MALRD1: variants seen among roughly 807,000 people sequenced by gnomAD.
The protein encoded by MALRD1 is MAM and LDL receptor class A domain containing 1.
MALRD1 carries 247 observed loss-of-function variants against 242.1 expected under a neutral mutation model. The observed-to-expected ratio is 1.02, with a 90% confidence interval of 0.92 to 1.13. MALRD1 has a LOEUF of 1.13. Among genes scored for constraint, MALRD1 ranks in the 50% most tolerant of loss-of-function variants. MALRD1 has a pLI of 0.00. For synonymous variants in MALRD1, 995 were observed against 866.6 expected, an observed-to-expected ratio of 1.15 and a Z score of -2.60; for missense variants, 2,989 against 2,533.1, an observed-to-expected ratio of 1.18 and a Z score of -3.86.
intron 2 of MALRD1, among the ~76,000 whole-genome samples, chr10:19,085,751 G>T (rs535506774): frequency 6.6e-6 from 1 of 151,844 alleles, no homozygotes; most frequent in East Asian, 1.9e-4. Context: ...ATAACTTAAT[G>T]TGTCAAATCT....
chr10:19,719,244 A>ACATACATATATATATATG lies in MALRD1; in HGVS notation c.6315-11462_6315-11461insCATACATATATATATATG, dbSNP rs1834621703. ...CATACATATATATATATATATATAT[A>ACATACATATATATATATG]TATATATATATATATGCTATCAAAT... On this transcript the variant is annotated intron_variant, in intron 38 of 39. Transcript: ENST00000454679. 2.0e-4 allele frequency among the ~76,000 whole-genome samples: 19 copies of ACATACATATATATATATG among 96,930 alleles called. 1 individual carries two copies. Among genetic ancestry groups the ACATACATATATATATATG allele is most frequent in the East Asian group, 8.4e-4 (3 of 3,566 alleles). 63.6% of individuals were successfully genotyped at this position (96,930 alleles called of 152,430 possible).
rs551362786 is a variant in MALRD1, at chr10:19,224,178, T to C, written c.2991+14498T>C. On this transcript the variant is annotated intron_variant, in intron 18 of 39. Coordinates refer to ENST00000454679, the MANE Select transcript of MALRD1 (RefSeq NM_001142308.3). ...CACTCCCACCAACAGTGTAAAAGCA[T>C]TCCTATTTCTCCACATCCTCTCTAG... Among the ~76,000 whole-genome samples, 66 of 152,294 alleles carry C rather than the reference T, an allele frequency of 4.3e-4. 4 individuals carry two copies. In the South Asian group the frequency reaches 6.4e-3, roughly 15 times the overall value.
At chr10:19,637,841 C>G (rs1039700566) in intron 36 of MALRD1, among the ~76,000 whole-genome samples, 17 of 152,006 alleles carry the variant, frequency 1.1e-4, no homozygotes, top group African/African-American at 3.9e-4. Context: ...TGGTTCATGT[C>G]TGTAAGCCCA....
chr10:19,185,516 T>G (rs901542556), intron 14 of MALRD1, among the ~76,000 whole-genome samples: 1 of 152,180 alleles, frequency 6.6e-6, no homozygotes, highest in Admixed American at 6.5e-5. Flanking sequence ...TTATTATTTA[T>G]TTATTTATTT....
chr10:19,225,122 G>C (rs528835219), intron 18 of MALRD1, among the ~76,000 whole-genome samples: 1 of 152,068 alleles, frequency 6.6e-6, no homozygotes, highest in Non-Finnish European at 1.5e-5. Context: ...GTTTTCATCA[G>C]GTGTGTCAGA....
intron 36 of MALRD1, among the ~76,000 whole-genome samples, chr10:19,626,567 C>T (rs773593756): frequency 1.3e-5 from 2 of 151,624 alleles, no homozygotes; most frequent in African/African-American, 2.4e-5. Flanking sequence ...CCAGTAGTAA[C>T]AATAATTAAA....
chr10:19,405,684 A>G (rs1036656095), intron 28 of MALRD1, among the ~76,000 whole-genome samples: 8 of 152,192 alleles, frequency 5.3e-5, no homozygotes, highest in Admixed American at 3.3e-4. Flanking sequence ...AAGGAAAATC[A>G]GATATCAAAC....
intron 14 of MALRD1, among the ~76,000 whole-genome samples, 172 bp from the exon 15 acceptor site, chr10:19,203,556 G>C (rs573955820): frequency 1.3e-5 from 2 of 152,290 alleles, no homozygotes; most frequent in East Asian, 1.9e-4. Flanking sequence ...GGAAAGCATA[G>C]CTCCATTTTT....
intron 4 of MALRD1, among the ~76,000 whole-genome samples, chr10:19,100,919 ATCTC>A (rs1034778329): frequency 2.6e-5 from 4 of 152,158 alleles, no homozygotes; most frequent in African/African-American, 9.7e-5. Flanking sequence ...GCTAGGGACT[ATCTC>A]TATGAAAAAG....
intron 18 of MALRD1, among the ~76,000 whole-genome samples, chr10:19,210,876 A>C (rs1467721669): frequency 1.3e-5 from 2 of 152,194 alleles, no homozygotes; most frequent in East Asian, 3.9e-4. Context: ...CCCCATTTAT[A>C]GTGTGGCATC....
chr10:19,228,881 T>A (rs928224131), intron 18 of MALRD1, among the ~76,000 whole-genome samples: 2 of 152,040 alleles, frequency 1.3e-5, no homozygotes, highest in Non-Finnish European at 2.9e-5. Flanking sequence ...TTTGCAACAT[T>A]TTTGGTAAGT....
At chr10:19,307,864 G>T (rs955328765) in intron 21 of MALRD1, among the ~76,000 whole-genome samples, 1 of 151,330 alleles carries the variant, frequency 6.6e-6, no homozygotes, top group South Asian at 2.1e-4. Context: ...CATATTTATG[G>T]GGTACATGGT....
intron 28 of MALRD1, among the ~76,000 whole-genome samples, chr10:19,420,088 G>A (rs190237523): frequency 2.0e-3 from 310 of 152,218 alleles, no homozygotes; most frequent in African/African-American, 6.4e-3. Flanking sequence ...GCAGTGGAGC[G>A]CACACTTGGA....
chr10:19,124,356 T>A lies in MALRD1; in HGVS notation c.797-168T>A, dbSNP rs188754742. Among the ~76,000 whole-genome samples, 22 of 152,196 alleles carry A rather than the reference T, an allele frequency of 1.4e-4. 1 individual carries two copies. The South Asian group carries it at 3.3e-3, about 23-fold the overall frequency. ...ACTGAGAAATTTTTGCAAAATGGAG[T>A]TGCTGGTACACTCGAAGGCTTATTG... On this transcript the variant is annotated intron_variant, in intron 6 of 39. Coordinates refer to ENST00000454679, the MANE Select transcript of MALRD1 (RefSeq NM_001142308.3).
intron 36 of MALRD1, among the ~76,000 whole-genome samples, chr10:19,641,448 G>A (rs1021169728): frequency 1.3e-5 from 2 of 152,092 alleles, no homozygotes; most frequent in African/African-American, 2.4e-5. Flanking sequence ...CGGTTGAGAC[G>A]AGCAAAAGAC....
intron 36 of MALRD1, among the ~76,000 whole-genome samples, chr10:19,634,896 T>C (rs1840062340): frequency 6.6e-6 from 1 of 152,166 alleles, no homozygotes; most frequent in South Asian, 2.1e-4. Context: ...TGCTTCCAGG[T>C]TGGTGAAATA....
At chr10:19,501,714 T>A (rs186158129) in intron 31 of MALRD1, among the ~76,000 whole-genome samples, 1 of 152,072 alleles carries the variant, frequency 6.6e-6, no homozygotes, top group African/African-American at 2.4e-5. Flanking sequence ...AGGGTTAAAG[T>A]AGAGGAGGAA....
intron 33 of MALRD1, among the ~76,000 whole-genome samples, chr10:19,591,590 C>T (rs1438468060): frequency 6.6e-6 from 1 of 151,056 alleles, no homozygotes; most frequent in Non-Finnish European, 1.5e-5. Flanking sequence ...CCTTCGCCTC[C>T]TCGGTTCAAG....
rs561661190 is a variant in MALRD1 at position 19,097,933 on chromosome 10, G to A, written c.598-6046G>A. On this transcript the variant is annotated intron_variant, in intron 4 of 39. Transcript: ENST00000454679. ...TTTATCCTGTGTATAAACATGTATT[G>A]TACCTAGGGTGGACGCGTTCCTCCT... Among the ~76,000 whole-genome samples, 10 of 152,190 alleles carry A rather than the reference G, an allele frequency of 6.6e-5. No individual in the cohort carries two copies. The South Asian group carries it at 1.0e-3, about 16-fold the overall frequency.
Sources: allele counts gnomAD v4.1 joint callset (sites outside exome capture counted in the v4.1 genomes callset), GRCh38; gene constraint gnomAD v4.1.1; transcripts MANE v1.5; gene names NCBI Gene and HGNC (gene_info 2026-07-23, HGNC 2026-07-21).